ITGB5: variants seen among roughly 807,000 people sequenced by gnomAD.
ITGB5 encodes integrin beta-5.
In ITGB5, 38 loss-of-function variants were observed where a neutral mutation model predicts 84.8. The observed-to-expected ratio is 0.45, with a 90% CI of 0.35 to 0.59. The LOEUF (loss-of-function observed/expected upper bound fraction) is 0.59. ITGB5 is among the 20% of genes least tolerant of loss of function. The pLI, the probability that ITGB5 is intolerant of heterozygous loss-of-function variation, is 0.01. For missense variants in ITGB5, 905 were observed against 1,034.5 expected (o/e 0.87, Z 1.72); for synonymous variants, 393 against 414.4 (o/e 0.95, Z 0.63).
At chr3:124,815,115 T>C (rs774070314) in intron 8 of ITGB5, among the ~76,000 whole-genome samples, 10 of 152,204 alleles carry the variant, frequency 6.6e-5, no homozygotes, top group East Asian at 1.9e-4. Context: ...TAAGCACTTA[T>C]GAGATCCCAT....
At chr3:124,886,899 T>C (rs1161422115) in intron 1 of ITGB5, 32 bp downstream of exon 1, 1 of 1,197,880 alleles carries the variant, frequency 8.3e-7, no homozygotes, top group Non-Finnish European at 1.0e-6. Flanking sequence ...TGCGACAAAG[T>C]TTCTCTGGGC....
chr3:124,773,270 G>C (rs1056029475), intron 11 of ITGB5, among the ~76,000 whole-genome samples: 14 of 152,152 alleles, frequency 9.2e-5, no homozygotes, highest in Non-Finnish European at 2.9e-5. Flanking sequence ...GTGAAACACT[G>C]TTTGGGAGAT....
Position 124,764,541 on chromosome 3 carries a change from G to A in ITGB5, c.2154C>T (p.Pro718=). The A allele has an allele frequency of 1.2e-6, 2 of 1,612,338 alleles. No homozygotes were observed. Among genetic ancestry groups the A allele is most frequent in the Non-Finnish European group, 1.7e-6 (2 of 1,178,646 alleles). Residue 718 remains proline, a synonymous_variant, in exon 14 of 15, where the codon CCC becomes CCT. Transcript: ENST00000296181. ...VLREPECGNT[P]NAMTILLAVV... ...CAGCCAGGAGGATGGTCATGGCGTTGGGGGTGTTTCCACACTCTGGGGGGA... is the reference window on the plus strand; with the variant it reads ...CAGCCAGGAGGATGGTCATGGCGTTAGGGGTGTTTCCACACTCTGGGGGGA...
At chr3:124,775,087 G>A (rs1175397977) in intron 10 of ITGB5, among the ~76,000 whole-genome samples, 1 of 152,212 alleles carries the variant, frequency 6.6e-6, no homozygotes, top group Admixed American at 6.5e-5. Context: ...GGGATGCCCT[G>A]GCCCTTCCTT....
At chr3:124,784,049 G>C (rs1455341899) in intron 10 of ITGB5, among the ~76,000 whole-genome samples, 1 of 152,008 alleles carries the variant, frequency 6.6e-6, no homozygotes, top group Non-Finnish European at 1.5e-5. Context: ...AAATACCACT[G>C]CTATAAAAAA....
Position 124,764,413 on chromosome 3 carries a change from C to T in ITGB5, c.2282G>A (p.Arg761Gln), listed in dbSNP as rs2063737624. The change falls in exon 14 of 15, where the codon CGA (arginine) becomes CAA (glutamine). Residue 761 changes from arginine to glutamine, a missense_variant. Transcript: ENST00000296181. Reference sequence around the variant, plus strand: ...TACCATTTCATAGCGGGCCCTGGATCGCTCGCTCTGAAACTTTGCAAACTC... The same window carrying T: ...TACCATTTCATAGCGGGCCCTGGATTGCTCGCTCTGAAACTTTGCAAACTC... ...RREFAKFQSE[R>Q]SRARYEMASN... The T allele has an allele frequency of 3.7e-6, 6 of 1,612,520 alleles. No homozygotes were observed. Among genetic ancestry groups the T allele is most frequent in the African/African-American group, 1.3e-5 (1 of 75,022 alleles).
chr3:124,783,399 G>C (rs1201462964), intron 10 of ITGB5, among the ~76,000 whole-genome samples: 1 of 151,794 alleles, frequency 6.6e-6, no homozygotes, highest in Non-Finnish European at 1.5e-5. Flanking sequence ...AGAATCACTT[G>C]GCACACTGAT....
intron 3 of ITGB5, among the ~76,000 whole-genome samples, chr3:124,853,386 T>C (rs916161078): frequency 6.6e-6 from 1 of 151,920 alleles, no homozygotes; most frequent in Non-Finnish European, 1.5e-5. Flanking sequence ...AGAACAAGGA[T>C]GCCAGGCTGT....
At chr3:124,790,584 A>C (rs113432179) in intron 10 of ITGB5, among the ~76,000 whole-genome samples, 23 of 152,012 alleles carry the variant, frequency 1.5e-4, no homozygotes. Context: ...AATTGCCTTT[A>C]ACTAGACAGG....
At chr3:124,882,625 G>C (rs1191110032) in intron 1 of ITGB5, among the ~76,000 whole-genome samples, 7 of 152,348 alleles carry the variant, frequency 4.6e-5, no homozygotes, top group South Asian at 4.1e-4. Flanking sequence ...GTGGAGCCTG[G>C]CAGGACTCTG....
chr3:124,764,591 C>G (rs770169266), intron 13 of ITGB5, 34 bp from the exon 14 acceptor site: 8 of 1,583,804 alleles, frequency 5.1e-6, no homozygotes, highest in Non-Finnish European at 6.9e-6. Flanking sequence ...AGCAAAGCCA[C>G]TAGCATCACC....
intron 10 of ITGB5, among the ~76,000 whole-genome samples, chr3:124,776,042 C>T (rs924375067): frequency 1.3e-5 from 2 of 152,246 alleles, no homozygotes; most frequent in African/African-American, 4.8e-5. Context: ...AGATGGCAAG[C>T]CCTCCAGGAG....
At chr3:124,766,369 G>T in intron 12 of ITGB5, 24 bp from the exon 13 acceptor site, 1 of 1,613,102 alleles carries the variant, frequency 6.2e-7, no homozygotes, top group Non-Finnish European at 8.5e-7. Flanking sequence ...AAGCGGGAAT[G>T]GCCTGAGTCT....
chr3:124,831,798 T>A (rs1324465278), intron 5 of ITGB5, among the ~76,000 whole-genome samples: 3 of 151,900 alleles, frequency 2.0e-5, no homozygotes, highest in African/African-American at 4.8e-5. Context: ...CACAGAAGAG[T>A]CACCAGGCAC....
chr3:124,804,089 C>T (rs2064357537), intron 9 of ITGB5, among the ~76,000 whole-genome samples: 1 of 152,226 alleles, frequency 6.6e-6, no homozygotes, highest in African/African-American at 2.4e-5. Flanking sequence ...TCACTTTGGG[C>T]AGCATAAAGT....
At chr3:124,886,332 G>A (rs1307744453) in intron 1 of ITGB5, among the ~76,000 whole-genome samples, 7 of 149,786 alleles carry the variant, frequency 4.7e-5, no homozygotes, top group African/African-American at 1.7e-4. Flanking sequence ...TAGGCGAGGA[G>A]GAAGCAGGCG....
At chr3:124,843,865 A>T (rs2065042111) in intron 4 of ITGB5, among the ~76,000 whole-genome samples, 1 of 152,222 alleles carries the variant, frequency 6.6e-6, no homozygotes, top group South Asian at 2.1e-4. Flanking sequence ...GGAGATAAAA[A>T]ATAAAATATA....
At chr3:124,854,190 A>G (rs2065192954) in intron 3 of ITGB5, among the ~76,000 whole-genome samples, 1 of 152,196 alleles carries the variant, frequency 6.6e-6, no homozygotes, top group Non-Finnish European at 1.5e-5. Flanking sequence ...ACATAGAATT[A>G]CCATATGACC....
At chr3:124,896,025 A>G (rs1410996099) in intron 1 of ITGB5, among the ~76,000 whole-genome samples, 3 of 152,238 alleles carry the variant, frequency 2.0e-5, no homozygotes, top group Admixed American at 6.5e-5. Flanking sequence ...TCTACTTTAC[A>G]TAACCTGATA....
Sources: gnomAD v4.1 joint callset for allele counts (sites outside exome capture counted in the v4.1 genomes callset) on GRCh38, gnomAD v4.1.1 for gene constraint, MANE v1.5 for transcripts, NCBI Gene and HGNC (gene_info 2026-07-23, HGNC 2026-07-21) for gene names.